The following TMCO1 variants were observed in gnomAD, a reference collection of about 807,000 sequenced individuals.
TMCO1 encodes transmembrane and coiled-coil domains 1.
TMCO1 carries 29 observed loss-of-function variants against 29.3 expected under a neutral mutation model. The observed-to-expected ratio is 0.99, with a 90% CI of 0.74 to 1.35. TMCO1 has a LOEUF of 1.35. Ranked by LOEUF, TMCO1 falls within the 40% of genes most tolerant of loss-of-function variation. The pLI is 0.00. For synonymous variants in TMCO1, 80 were observed against 77.1 expected (o/e 1.04, Z -0.20); for missense variants, 173 against 225.5 (o/e 0.77, Z 1.49).
chr1:165,743,785 TAA>T (rs1217414204), intron 5 of TMCO1, among the ~76,000 whole-genome samples: 4 of 151,886 alleles, frequency 2.6e-5, no homozygotes, highest in Non-Finnish European at 4.4e-5. Context: ...TCTTTATATA[TAA>T]GTTATTTAAT....
chr1:165,731,780 C>T (rs59859859), intron 6 of TMCO1, among the ~76,000 whole-genome samples: 2,021 of 152,280 alleles, frequency 0.013, 52 homozygotes, highest in African/African-American at 0.047. Context: ...CTTCAGTAGC[C>T]ACAGCCAAAG....
At chr1:165,753,773 T>G (rs1344437760) in intron 4 of TMCO1, among the ~76,000 whole-genome samples, 1 of 152,100 alleles carries the variant, frequency 6.6e-6, no homozygotes, top group Non-Finnish European at 1.5e-5. Context: ...ATCGTGCTAC[T>G]GCATTCCAGC....
chr1:165,733,538 G>A (rs867449765), intron 6 of TMCO1, among the ~76,000 whole-genome samples: 1 of 151,882 alleles, frequency 6.6e-6, no homozygotes, highest in African/African-American at 2.4e-5. Context: ...GGAGGCAGAG[G>A]TTGTAGGAGA....
intron 2 of TMCO1, among the ~76,000 whole-genome samples, chr1:165,761,548 C>T (rs1652405380): frequency 6.6e-6 from 1 of 151,366 alleles, no homozygotes; most frequent in Non-Finnish European, 1.5e-5. Context: ...TAAAATAAAA[C>T]AAAACATCAT....
chr1:165,725,042 ATATAT>A (rs1558024466), downstream of TMCO1: 5 of 230,510 alleles, frequency 2.2e-5, no homozygotes, highest in Non-Finnish European at 1.6e-5. Flanking sequence ...ATATATATAT[ATATAT>A]AAAATAGTGT....
In TMCO1 at chr1:165,728,057, A is replaced by G; in HGVS notation, c.533T>C (p.Leu178Pro). Residue 178 changes from leucine to proline, a missense_variant, in exon 7 of 7, where the codon CTT becomes CCT. Leu to Pro is a moderately conservative substitution (Grantham distance 98). Transcript: ENST00000367881. ...CTTCCCAGAAGGAGGTGGTGGGCCA[A>G]GAAATCCACCTGCCTGCTTGGTGGC... Reference protein sequence around the residue: ...RAATKQAGGFLGPPPPSGKFS With the variant: ...RAATKQAGGFPGPPPPSGKFS The G allele has an allele frequency of 1.2e-6, 2 of 1,609,214 alleles. No homozygotes were observed. Among genetic ancestry groups the G allele is most frequent in the Middle Eastern group, 3.3e-4 (2 of 6,030 alleles).
intron 6 of TMCO1, among the ~76,000 whole-genome samples, chr1:165,739,414 G>T (rs572542207): frequency 3.9e-5 from 6 of 152,112 alleles, no homozygotes; most frequent in Non-Finnish European, 1.5e-5. Flanking sequence ...TTGAGACAGG[G>T]TCTGGCTCTG....
intron 3 of TMCO1, among the ~76,000 whole-genome samples, chr1:165,755,538 G>GTA (rs1480574886): frequency 6.6e-6 from 1 of 152,060 alleles, no homozygotes; most frequent in East Asian, 1.9e-4. Context: ...AGGCATGGTG[G>GTA]TATATGCCTG....
chr1:165,743,443 G>T, intron 5 of TMCO1, 132 bp from the exon 6 acceptor site: 1 of 891,758 alleles, frequency 1.1e-6, no homozygotes, highest in Non-Finnish European at 1.7e-6. Context: ...AGGGTGACAT[G>T]CTAAAAATAC....
chr1:165,743,129 A>C (rs1289620994), intron 6 of TMCO1, 38 bp downstream of exon 6: 2 of 1,612,124 alleles, frequency 1.2e-6, no homozygotes, highest in South Asian at 2.2e-5. Flanking sequence ...GACAGCAAGG[A>C]AAAATATACA....
intron 3 of TMCO1, chr1:165,754,985 C>T (rs1426322160): frequency 6.6e-6 from 1 of 152,166 alleles, no homozygotes; most frequent in Non-Finnish European, 1.5e-5. Flanking sequence ...TAGGGTGAGA[C>T]TCTGTCTGAA....
intron 5 of TMCO1, among the ~76,000 whole-genome samples, chr1:165,748,366 C>T (rs1240451180): frequency 6.6e-6 from 1 of 151,714 alleles, no homozygotes; most frequent in South Asian, 2.1e-4. Context: ...AAAGTAATAG[C>T]AAAGGAGAAA....
In TMCO1 at chr1:165,754,216, T is replaced by C; in HGVS notation, c.255+12A>G. On this transcript the variant is annotated intron_variant, in intron 4 of 6. Transcript: ENST00000367881. Reference sequence around the variant, plus strand: ...ATGTGGTTAACCATGAAGTTATAGTTAGGTCTCTTACCATTGATAGATCTC... The same window carrying C: ...ATGTGGTTAACCATGAAGTTATAGTCAGGTCTCTTACCATTGATAGATCTC... 6.2e-7 allele frequency: 1 copy of C among 1,604,858 alleles called. No individual in the cohort carries two copies. Among genetic ancestry groups the C allele is most frequent in the South Asian group, 1.1e-5 (1 of 90,864 alleles).
chr1:165,753,814 A>T (rs1281875915), intron 4 of TMCO1, among the ~76,000 whole-genome samples: 1 of 148,230 alleles, frequency 6.7e-6, no homozygotes, highest in Admixed American at 6.6e-5. Context: ...CTGTCTCTAA[A>T]AAAGAAAAAA....
intron 2 of TMCO1, among the ~76,000 whole-genome samples, chr1:165,759,853 C>T (rs563882372): frequency 1.3e-5 from 2 of 152,214 alleles, no homozygotes; most frequent in South Asian, 4.2e-4. Context: ...GAAAACAGAC[C>T]ATCAGCTGAG....
chr1:165,759,242 A>C (rs563862128), intron 3 of TMCO1, among the ~76,000 whole-genome samples: 1 of 152,344 alleles, frequency 6.6e-6, no homozygotes, highest in African/African-American at 2.4e-5. Context: ...ATGCTTTTAC[A>C]AACTATGCCA....
In TMCO1 at chr1:165,752,946, G is replaced by A. The variant is rs114774668; in HGVS notation, c.256-777C>T. Among the ~76,000 whole-genome samples the A allele has an allele frequency of 3.4e-3, 525 of 152,202 alleles. 2 individuals are homozygous for A. Among genetic ancestry groups the A allele is most frequent in the African/African-American group, 0.012 (512 of 41,522 alleles). ...TCTGGCCAATGAGTTAATAAGTACTGGCAAAAGGTCTCTCAGTAAGTAAAA... is the reference window on the plus strand; with the variant it reads ...TCTGGCCAATGAGTTAATAAGTACTAGCAAAAGGTCTCTCAGTAAGTAAAA... On this transcript the variant is annotated intron_variant, in intron 4 of 6. Coordinates refer to ENST00000367881, the MANE Select transcript of TMCO1 (RefSeq NM_019026.6).
downstream of TMCO1, chr1:165,726,496 G>T (rs1351242156): frequency 3.9e-6 from 2 of 508,830 alleles, no homozygotes; most frequent in South Asian, 1.5e-5. Context: ...GCTTTACACT[G>T]GTTGAATTCA....
At chr1:165,724,946 A>G (rs1265858367), downstream of TMCO1, 1 of 451,174 alleles carries the variant, frequency 2.2e-6, no homozygotes, top group African/African-American at 2.0e-5. Flanking sequence ...TAATTGTCGA[A>G]GGTGGAGGAT....
Sources: allele counts gnomAD v4.1 joint callset (sites outside exome capture counted in the v4.1 genomes callset), GRCh38; gene constraint gnomAD v4.1.1; transcripts MANE v1.5; gene names NCBI Gene and HGNC (gene_info 2026-07-23, HGNC 2026-07-21).